The following PDE10A variants were observed in gnomAD, a reference collection of about 807,000 sequenced individuals.
The protein encoded by PDE10A is cAMP and cAMP-inhibited cGMP 3',5'-cyclic phosphodiesterase 10A.
Under a neutral mutation model 97.7 loss-of-function variants are expected in PDE10A, and 39 were observed. The observed-to-expected ratio is 0.40, with a 90% CI of 0.31 to 0.52. The LOEUF (loss-of-function observed/expected upper bound fraction) is 0.52, where lower values mean the gene tolerates loss of function less well. Among genes scored for constraint, PDE10A ranks in the 20% least tolerant of loss-of-function variants. PDE10A has a pLI of 0.56. For missense variants in PDE10A, 731 were observed against 1,047.8 expected (o/e 0.70, Z 4.17); for synonymous variants, 371 against 376.8 (o/e 0.98, Z 0.18).
rs142036359 is a variant in PDE10A at position 165,337,895 on chromosome 6, A to G, written c.2976+1383T>C. Among the ~76,000 whole-genome samples, 664 of 152,332 alleles carry G rather than the reference A, an allele frequency of 4.4e-3. 7 individuals are homozygous for G. Among genetic ancestry groups the G allele is most frequent in the African/African-American group, 0.015 (619 of 41,576 alleles). The stretch of plus-strand genomic sequence containing the variant: ...TAACAAGATACATTCCAAACAAGTC[A>G]ATAAATCAAATGGAAAGTAATCAAG... On this transcript the variant is annotated intron_variant, in intron 20 of 21. Coordinates refer to ENST00000539869, the MANE Select transcript of PDE10A (RefSeq NM_001385079.1).
intron 1 of PDE10A, among the ~76,000 whole-genome samples, chr6:165,887,737 CCTTTAT>C (rs1198315824): frequency 1.1e-4 from 16 of 152,314 alleles, no homozygotes; most frequent in Admixed American, 2.0e-4. Flanking sequence ...ACCAGTCTCA[CCTTTAT>C]CTTTATTTTA....
intron 1 of PDE10A, among the ~76,000 whole-genome samples, chr6:165,749,202 CCAT>C (rs1242246208): frequency 1.4e-5 from 1 of 71,360 alleles, no homozygotes; most frequent in East Asian, 4.2e-4. Context: ...ATCACCATCA[CCAT>C]CATCACCATC....
intron 1 of PDE10A, among the ~76,000 whole-genome samples, chr6:165,604,729 T>C (rs970463868): frequency 1.3e-5 from 2 of 152,202 alleles, no homozygotes; most frequent in African/African-American, 4.8e-5. Flanking sequence ...CTGCTTGCGC[T>C]ATGTTACTAA....
chr6:165,391,969 G>A (rs1304239380), intron 16 of PDE10A, among the ~76,000 whole-genome samples: 1 of 152,202 alleles, frequency 6.6e-6, no homozygotes, highest in African/African-American at 2.4e-5. Flanking sequence ...TAAGGTGTCA[G>A]TAGATACTAC....
chr6:165,498,498 T>C (rs575440709), intron 2 of PDE10A, among the ~76,000 whole-genome samples: 13 of 128,450 alleles, frequency 1.0e-4, no homozygotes, highest in African/African-American at 3.8e-4. Context: ...AGCATGAAAG[T>C]GTGACCTGGT....
intron 1 of PDE10A, among the ~76,000 whole-genome samples, chr6:165,922,884 G>A (rs967658239): frequency 8.5e-5 from 13 of 152,302 alleles, no homozygotes; most frequent in African/African-American, 2.9e-4. Context: ...GCCACCTTCC[G>A]GGGGTTCACT....
chr6:165,609,694 A>G (rs557485743), intron 1 of PDE10A, among the ~76,000 whole-genome samples: 29 of 152,362 alleles, frequency 1.9e-4, no homozygotes, highest in African/African-American at 7.0e-4. Context: ...AAAAATCACA[A>G]GCATTCTTAT....
At chr6:165,513,632 T>C (rs9459430) in intron 2 of PDE10A, among the ~76,000 whole-genome samples, 9,433 of 152,218 alleles carry the variant, frequency 0.062, 498 homozygotes, top group East Asian at 0.24. Flanking sequence ...TTGGGGAGAA[T>C]TGTTATCCAG....
intron 1 of PDE10A, among the ~76,000 whole-genome samples, chr6:165,833,170 A>G (rs2128471440): frequency 6.6e-6 from 1 of 152,354 alleles, no homozygotes; most frequent in East Asian, 1.9e-4. Context: ...TTCTCAGGAC[A>G]CTACACAATG....
At chr6:165,875,797 A>G (rs1227533053) in intron 1 of PDE10A, among the ~76,000 whole-genome samples, 1 of 145,084 alleles carries the variant, frequency 6.9e-6, no homozygotes, top group African/African-American at 2.6e-5. Flanking sequence ...ATCCTACCAG[A>G]TGTTTGATAA....
rs1302734033 is a variant in PDE10A at position 165,575,713 on chromosome 6, A to C, written c.866-32145T>G. ...AAGTCAAAAGAGTAGTCCAGTGCTT[A>C]TTTTAATGTCCTTAATTCTAATTCA... On this transcript the variant is annotated intron_variant, in intron 1 of 21. Transcript: ENST00000539869. Among the ~76,000 whole-genome samples, 4 of 152,344 alleles carry C rather than the reference A, an allele frequency of 2.6e-5. No homozygotes were observed. In the East Asian group the frequency reaches 7.7e-4, roughly 29 times the overall value.
chr6:165,751,926 T>G (rs1429839215), intron 1 of PDE10A, among the ~76,000 whole-genome samples: 1 of 151,588 alleles, frequency 6.6e-6, no homozygotes. Flanking sequence ...GATCACGAGA[T>G]CAGGAGATGG....
intron 1 of PDE10A, among the ~76,000 whole-genome samples, chr6:165,561,798 T>C (rs1481018638): frequency 6.6e-6 from 1 of 152,194 alleles, no homozygotes; most frequent in African/African-American, 2.4e-5. Context: ...TGAAGACTCA[T>C]TGCTGGCTTG....
At chr6:165,359,060 CTGT>C in intron 18 of PDE10A, among the ~76,000 whole-genome samples, 1 of 151,998 alleles carries the variant, frequency 6.6e-6, no homozygotes, top group East Asian at 2.0e-4. Flanking sequence ...ATCCTTTGTG[CTGT>C]TTTCATATTT....
rs1395547932 is a variant in PDE10A, at chr6:165,736,662, A to G, written c.-614-193094T>C. 2.0e-5 allele frequency among the ~76,000 whole-genome samples: 3 copies of G among 152,342 alleles called. No homozygotes were observed. The South Asian group carries it at 6.2e-4, about 32-fold the overall frequency. On this transcript the variant is annotated intron_variant, in intron 1 of 19. Coordinates refer to the PDE10A transcript ENST00000366882. ...TATGGGACTCAGCAAGAGCATTCCT[A>G]AGAGGGAAGTTACCATGATAAATGT...
At chr6:165,435,714 A>G (rs2128240379) in intron 5 of PDE10A, among the ~76,000 whole-genome samples, 1 of 152,268 alleles carries the variant, frequency 6.6e-6, no homozygotes, top group South Asian at 2.1e-4. Flanking sequence ...TCAGACCACA[A>G]ACACACACAG....
intron 10 of PDE10A, among the ~76,000 whole-genome samples, chr6:165,427,656 T>C (rs1446832282): frequency 6.6e-6 from 1 of 152,124 alleles, no homozygotes; most frequent in African/African-American, 2.4e-5. Context: ...TAAATTACAC[T>C]TCAATAAAGC....
At position 165,333,240 on chromosome 6, in the gene PDE10A, G is replaced by C. The variant is rs905601505; in HGVS notation, c.3066-113C>G. The C allele has an allele frequency of 5.8e-6, 4 of 689,784 alleles. No individual in the cohort carries two copies. In the African/African-American group the frequency reaches 7.1e-5, roughly 12 times the overall value. 42.7% of individuals were successfully genotyped at this position (689,784 alleles called of 1,614,324 possible). ...CAGCTCTGCACAACGGCATTGTGTGGGGCCCTCCGACATGGTTACCAGCAC... is the reference window on the plus strand; with the variant it reads ...CAGCTCTGCACAACGGCATTGTGTGCGGCCCTCCGACATGGTTACCAGCAC... On this transcript the variant is annotated intron_variant, in intron 21 of 21. Transcript: ENST00000539869.
At chr6:165,626,136 G>A (rs1021406967) in intron 1 of PDE10A, among the ~76,000 whole-genome samples, 51 of 152,110 alleles carry the variant, frequency 3.4e-4, no homozygotes, top group African/African-American at 1.2e-3. Context: ...AGGAAGGAGG[G>A]TGCAGCCAGC....
Sources: gnomAD v4.1 joint callset for allele counts (sites outside exome capture counted in the v4.1 genomes callset) on GRCh38, gnomAD v4.1.1 for gene constraint, MANE v1.5 for transcripts, NCBI Gene and HGNC (gene_info 2026-07-23, HGNC 2026-07-21) for gene names.